BICDL1: variants seen among roughly 807,000 people sequenced by gnomAD.
The protein encoded by BICDL1 is BICD family like cargo adaptor 1.
BICDL1 carries 20 observed loss-of-function variants against 76.8 expected under a neutral mutation model. The ratio of observed to expected loss-of-function variants is 0.26; its 90% CI spans 0.18 to 0.38. BICDL1 has a LOEUF of 0.38. BICDL1 is among the 10% of genes least tolerant of loss of function. The pLI, the probability that BICDL1 is intolerant of heterozygous loss-of-function variation, is 1.00. For synonymous variants in BICDL1, 383 were observed against 337.1 expected, an observed-to-expected ratio of 1.14 and a Z score of -1.49; for missense variants, 700 against 798.6, an observed-to-expected ratio of 0.88 and a Z score of 1.49.
At chr12:120,010,534 A>C (rs1359482996) in intron 2 of BICDL1, among the ~76,000 whole-genome samples, 2 of 152,192 alleles carry the variant, frequency 1.3e-5, no homozygotes, top group Non-Finnish European at 2.9e-5. Flanking sequence ...TTGGAAAACC[A>C]TTGGTTTCAA....
chr12:120,091,263 C>T (rs367639295), intron 9 of BICDL1: 1 of 1,122,682 alleles, frequency 8.9e-7, no homozygotes, highest in East Asian at 6.6e-5. Context: ...GTTCCATCCA[C>T]TGAGGGACCA....
intron 3 of BICDL1, among the ~76,000 whole-genome samples, chr12:120,063,648 C>G (rs1953155328): frequency 6.6e-6 from 1 of 152,142 alleles, no homozygotes; most frequent in African/African-American, 2.4e-5. Context: ...GACTAGAGAG[C>G]TTGGAGAATA....
intron 1 of BICDL1, among the ~76,000 whole-genome samples, chr12:119,995,462 C>T (rs1486852569): frequency 1.3e-5 from 2 of 152,160 alleles, no homozygotes; most frequent in African/African-American, 4.8e-5. Flanking sequence ...CTTGGTTGGG[C>T]TCTTCACTAA....
chr12:120,063,867 C>T (rs1424710638), intron 3 of BICDL1, among the ~76,000 whole-genome samples: 1 of 152,254 alleles, frequency 6.6e-6, no homozygotes, highest in East Asian at 1.9e-4. Flanking sequence ...TTGGGGAGCA[C>T]TGGCTCAGCT....
intron 2 of BICDL1, among the ~76,000 whole-genome samples, chr12:120,008,738 T>G (rs1313520079): frequency 1.3e-5 from 2 of 152,228 alleles, no homozygotes; most frequent in African/African-American, 4.8e-5. Flanking sequence ...GAATTCATTC[T>G]TAGCAATGTT....
At chr12:119,999,479 G>C (rs147884301) in intron 2 of BICDL1, among the ~76,000 whole-genome samples, 11 of 152,250 alleles carry the variant, frequency 7.2e-5, no homozygotes, top group African/African-American at 2.6e-4. Flanking sequence ...TTTTATTGAT[G>C]TTGCATTTGT....
chr12:119,990,304 A>G lies in BICDL1; in HGVS notation c.429+7A>G. 6.4e-7 allele frequency: 1 copy of G among 1,555,070 alleles called. No individual in the cohort carries two copies. Among genetic ancestry groups the G allele is most frequent in the Non-Finnish European group, 8.7e-7 (1 of 1,150,298 alleles). On this transcript the variant is annotated splice_region_variant and intron_variant, in intron 1 of 9. Coordinates refer to ENST00000548673, the MANE Select transcript of BICDL1 (RefSeq NM_001367886.1). ...GCTGACAGACAAGCTCGAGGTGAGGACCTCCCTCCAGGGATGGGTGGGGAG... is the reference window on the plus strand; with the variant it reads ...GCTGACAGACAAGCTCGAGGTGAGGGCCTCCCTCCAGGGATGGGTGGGGAG...
At chr12:120,083,954 A>G (rs1279459365) in intron 8 of BICDL1, among the ~76,000 whole-genome samples, 1 of 151,854 alleles carries the variant, frequency 6.6e-6, no homozygotes, top group Non-Finnish European at 1.5e-5. Context: ...TGCCCAGCCA[A>G]TAGTAATATT....
chr12:119,994,065 T>A (rs1951585103), intron 1 of BICDL1, among the ~76,000 whole-genome samples: 1 of 152,262 alleles, frequency 6.6e-6, no homozygotes, highest in Non-Finnish European at 1.5e-5. Context: ...ACCTTTTTTC[T>A]TCAGGAATTA....
At chr12:120,069,801 G>A (rs183796952) in intron 4 of BICDL1, among the ~76,000 whole-genome samples, 384 of 152,150 alleles carry the variant, frequency 2.5e-3, no homozygotes, top group Non-Finnish European at 3.4e-3. Context: ...TCAAGATACA[G>A]ACCACGATCA....
intron 9 of BICDL1, 53 bp from the exon 10 acceptor site, chr12:120,092,941 CCCCAGG>C: frequency 1.3e-6 from 2 of 1,495,002 alleles, no homozygotes; most frequent in Admixed American, 4.7e-5. Context: ...CCCTGTCCAG[CCCCAGG>C]GTTAGGTGAG....
chr12:120,086,185 G>C (rs1023917771), intron 8 of BICDL1, among the ~76,000 whole-genome samples: 1 of 152,076 alleles, frequency 6.6e-6, no homozygotes, highest in Non-Finnish European at 1.5e-5. Context: ...CTGGAGCAAG[G>C]GTCCTGTCCT....
chr12:119,990,264 G>A lies in BICDL1; in HGVS notation c.396G>A (p.Glu132=). The A allele has an allele frequency of 1.3e-6, 2 of 1,576,188 alleles. No individual in the cohort carries two copies. Among genetic ancestry groups the A allele is most frequent in the Non-Finnish European group, 1.7e-6 (2 of 1,161,718 alleles). Residue 132 remains glutamate, a synonymous_variant, in exon 1 of 10, where the codon GAG becomes GAA. Coordinates refer to ENST00000548673, the MANE Select transcript of BICDL1 (RefSeq NM_001367886.1). ...ERNQDMSRQY[E]QMHKELTDKL... Reference sequence around the variant, plus strand: ...ACCAGGACATGAGCCGGCAGTACGAGCAGATGCATAAGGAGCTGACAGACA... The same window carrying A: ...ACCAGGACATGAGCCGGCAGTACGAACAGATGCATAAGGAGCTGACAGACA...
chr12:120,071,095 A>C lies in BICDL1; in HGVS notation c.910-527A>C, dbSNP rs1025279697. Among the ~76,000 whole-genome samples, 10 of 150,664 alleles carry C rather than the reference A, an allele frequency of 6.6e-5. No individual in the cohort carries two copies. The highest frequency in any genetic ancestry group is 1.5e-4 in the Non-Finnish European group (10 of 67,758). On this transcript the variant is annotated intron_variant, in intron 4 of 9. Transcript: ENST00000548673. The surrounding 1 kb of genome is among the most constrained non-coding windows in gnomAD (Gnocchi z 4.8). ...TCCTTTATCTGTTTTTTCCCTTGCAATGTTTTTGTTAAGGAAATGGAGTTG... is the reference window on the plus strand; with the variant it reads ...TCCTTTATCTGTTTTTTCCCTTGCACTGTTTTTGTTAAGGAAATGGAGTTG...
intron 8 of BICDL1, among the ~76,000 whole-genome samples, chr12:120,086,388 C>A (rs1342596513): frequency 6.6e-6 from 1 of 152,244 alleles, no homozygotes; most frequent in Admixed American, 6.5e-5. Flanking sequence ...CTTCCATATA[C>A]GTTATCTCTG....
chr12:120,033,659 T>C (rs912966353), intron 2 of BICDL1, among the ~76,000 whole-genome samples: 1 of 152,138 alleles, frequency 6.6e-6, no homozygotes, highest in Non-Finnish European at 1.5e-5. Flanking sequence ...AGTGCTGGGA[T>C]TACAGGCATG....
intron 2 of BICDL1, among the ~76,000 whole-genome samples, chr12:120,026,995 C>T (rs1473563475): frequency 6.6e-6 from 1 of 150,472 alleles, no homozygotes; most frequent in Non-Finnish European, 1.5e-5. Context: ...ATTCCAGTAC[C>T]TGAAATGAGA....
chr12:120,067,890 C>T (rs60742518), intron 4 of BICDL1, among the ~76,000 whole-genome samples: 7,231 of 152,270 alleles, frequency 0.047, 365 homozygotes, highest in African/African-American at 0.12. Flanking sequence ...CTCCTCAAAA[C>T]TGGGGTTGGA....
intron 2 of BICDL1, among the ~76,000 whole-genome samples, chr12:120,040,210 C>T (rs936652688): frequency 2.0e-5 from 3 of 152,036 alleles, no homozygotes; most frequent in Non-Finnish European, 4.4e-5. Context: ...TCAAGCCATT[C>T]TCCTGCCTCA....
Sources: allele counts gnomAD v4.1 joint callset (sites outside exome capture counted in the v4.1 genomes callset), GRCh38; gene constraint gnomAD v4.1.1; non-coding constraint Gnocchi (gnomAD v3.1); transcripts MANE v1.5; gene names NCBI Gene and HGNC (gene_info 2026-07-23, HGNC 2026-07-21).